The following TFPI variants were observed in gnomAD, a reference collection of about 807,000 sequenced individuals.
TFPI encodes anti-convertin.
TFPI carries 15 observed loss-of-function variants against 34.6 expected under a neutral mutation model. The ratio of observed to expected loss-of-function variants is 0.43; its 90% CI spans 0.29 to 0.67. The LOEUF (loss-of-function observed/expected upper bound fraction) is 0.67, where lower values mean the gene tolerates loss of function less well. Ranked by LOEUF, TFPI falls within the 30% of genes least tolerant of loss-of-function variation. TFPI has a pLI of 0.15. For missense variants in TFPI, 301 were observed against 364.0 expected (o/e 0.83, Z 1.41); for synonymous variants, 105 against 120.1 (o/e 0.87, Z 0.82).
Position 187,484,131 on chromosome 2 carries a change from G to C in TFPI, c.621C>G (p.Ser207Arg). The C allele has an allele frequency of 6.2e-7, 1 of 1,611,794 alleles. No individual in the cohort carries two copies. Among genetic ancestry groups the C allele is most frequent in the South Asian group, 1.1e-5 (1 of 90,976 alleles). ...AATCCACAAGATTCTTACCAAAAAG[G>C]CTGGGAACCTTGGTTGATTGCGGAG... ...SLTPQSTKVPSLFEFHGPSWC... is the reference protein window; with the variant it reads ...SLTPQSTKVPRLFEFHGPSWC... Residue 207 changes from serine to arginine, a missense_variant, in exon 6 of 8, where the codon AGC (serine) becomes AGG (arginine). By Grantham distance (110) the Ser-to-Arg change is moderately radical. Coordinates refer to ENST00000233156, the MANE Select transcript of TFPI (RefSeq NM_006287.6).
At chr2:187,506,718 A>G (rs572394010) in intron 1 of TFPI, among the ~76,000 whole-genome samples, 1 of 152,154 alleles carries the variant, frequency 6.6e-6, no homozygotes, top group East Asian at 1.9e-4. Flanking sequence ...TCATAATTAG[A>G]CCAGGGTTAT....
chr2:187,525,165 A>G (rs1687613517), intron 1 of TFPI, among the ~76,000 whole-genome samples: 1 of 152,054 alleles, frequency 6.6e-6, no homozygotes, highest in East Asian at 1.9e-4. Flanking sequence ...TAATCCCCCT[A>G]ATAGCCCTAA....
At chr2:187,508,936 CATAA>C (rs1468414379) in intron 1 of TFPI, among the ~76,000 whole-genome samples, 2 of 152,202 alleles carry the variant, frequency 1.3e-5, no homozygotes, top group East Asian at 1.9e-4. Flanking sequence ...GTGAGTTTGT[CATAA>C]ATAGTTATTA....
At chr2:187,509,582 G>A (rs1023041068) in intron 1 of TFPI, among the ~76,000 whole-genome samples, 1 of 152,162 alleles carries the variant, frequency 6.6e-6, no homozygotes, top group Non-Finnish European at 1.5e-5. Flanking sequence ...TAGTTTATTT[G>A]TGTAGAGGTG....
chr2:187,523,487 A>G (rs1346475547), intron 1 of TFPI, among the ~76,000 whole-genome samples: 1 of 151,962 alleles, frequency 6.6e-6, no homozygotes, highest in African/African-American at 2.4e-5. Flanking sequence ...TCCACCCCCA[A>G]ACTCCTTCAG....
intron 1 of TFPI, among the ~76,000 whole-genome samples, chr2:187,551,893 T>C (rs1489771826): frequency 6.6e-6 from 1 of 152,094 alleles, no homozygotes; most frequent in African/African-American, 2.4e-5. Flanking sequence ...TTGCTATAGA[T>C]GGTAAACAAA....
At chr2:187,497,218 T>C (rs1231081183) in intron 2 of TFPI, 140 bp from the exon 3 acceptor site, 8 of 804,034 alleles carry the variant, frequency 9.9e-6, no homozygotes. Flanking sequence ...GTTATTCAGT[T>C]ATCAAAATGG....
At chr2:187,485,103 AAAGT>A (rs897219123) in intron 4 of TFPI, 116 bp from the exon 5 acceptor site, 11 of 783,914 alleles carry the variant, frequency 1.4e-5, no homozygotes, top group Non-Finnish European at 1.6e-5. Context: ...TAAAAATTAA[AAAGT>A]AAAAATCTAA....
At position 187,503,685 on chromosome 2, in the gene TFPI, A is replaced by C; in HGVS notation, c.84T>G (p.Ala28=). Residue 28 remains alanine, a synonymous_variant, in exon 2 of 8, where the codon GCT becomes GCG. Coordinates refer to ENST00000233156, the MANE Select transcript of TFPI (RefSeq NM_006287.6). ...LLNLAPAPLN[A]DSEEDEEHTI... ...TGTGTTCTTCATCTTCCTCAGAATCAGCATTAAGAGGGGCAGGGGCAAGAT... is the reference window on the plus strand; with the variant it reads ...TGTGTTCTTCATCTTCCTCAGAATCCGCATTAAGAGGGGCAGGGGCAAGAT... 6.2e-7 allele frequency: 1 copy of C among 1,613,140 alleles called. No homozygotes were observed. Among genetic ancestry groups the C allele is most frequent in the Non-Finnish European group, 8.5e-7 (1 of 1,179,346 alleles).
intron 1 of TFPI, among the ~76,000 whole-genome samples, chr2:187,530,632 T>C (rs1687913703): frequency 6.6e-6 from 1 of 152,198 alleles, no homozygotes; most frequent in Admixed American, 6.5e-5. Flanking sequence ...TTACGTTCTC[T>C]TCCTTCCTAT....
intron 1 of TFPI, chr2:187,529,577 A>T (rs1450194344): frequency 6.6e-6 from 1 of 152,146 alleles, no homozygotes; most frequent in Non-Finnish European, 1.5e-5. Context: ...AACATTTATT[A>T]TCTCATTTAT....
At chr2:187,500,173 C>T (rs188397728) in intron 2 of TFPI, among the ~76,000 whole-genome samples, 8 of 152,260 alleles carry the variant, frequency 5.3e-5, no homozygotes, top group Admixed American at 4.6e-4. Flanking sequence ...CTGATAAACT[C>T]GCTGTAGTAG....
At chr2:187,529,629 T>C (rs1273487906) in intron 1 of TFPI, 1 of 152,160 alleles carries the variant, frequency 6.6e-6, no homozygotes, top group East Asian at 1.9e-4. Flanking sequence ...TGCAGTCACA[T>C]TGGGGGTTAG....
intron 2 of TFPI, among the ~76,000 whole-genome samples, 182 bp downstream of exon 2, chr2:187,503,466 C>CACACAA (rs1396271927): frequency 3.4e-5 from 5 of 146,336 alleles, no homozygotes; most frequent in Non-Finnish European, 7.6e-5. Context: ...TGCATGTACA[C>CACACAA]ACACACACAC....
intron 3 of TFPI, among the ~76,000 whole-genome samples, chr2:187,488,616 C>G (rs1408353383): frequency 6.6e-6 from 1 of 151,354 alleles, no homozygotes; most frequent in African/African-American, 2.4e-5. Flanking sequence ...ATAAAACTTT[C>G]TAACACACTT....
chr2:187,494,256 A>G (rs1685319187), intron 3 of TFPI, among the ~76,000 whole-genome samples: 1 of 150,682 alleles, frequency 6.6e-6, no homozygotes, highest in Non-Finnish European at 1.5e-5. Context: ...TGGGAGCTAC[A>G]AGATGATATT....
At chr2:187,468,258 GAC>G (rs61019402) in intron 6 of TFPI, among the ~76,000 whole-genome samples, 37,349 of 146,878 alleles carry the variant, frequency 0.25, 4,643 homozygotes, top group East Asian at 0.39. Context: ...ATTTCTTACA[GAC>G]ACACACACAC....
chr2:187,530,247 T>C (rs1207391007), intron 1 of TFPI, among the ~76,000 whole-genome samples: 2 of 152,186 alleles, frequency 1.3e-5, no homozygotes, highest in Non-Finnish European at 2.9e-5. Context: ...ATATTTGTTT[T>C]CTGATTCAGT....
At chr2:187,477,110 G>A (rs1232865945) in intron 6 of TFPI, among the ~76,000 whole-genome samples, 3 of 152,128 alleles carry the variant, frequency 2.0e-5, no homozygotes, top group Admixed American at 2.0e-4. Flanking sequence ...ATTATCTTGT[G>A]TTAAGACTAA....
Sources: allele counts gnomAD v4.1 joint callset (sites outside exome capture counted in the v4.1 genomes callset), GRCh38; gene constraint gnomAD v4.1.1; transcripts MANE v1.5; gene names NCBI Gene and HGNC (gene_info 2026-07-23, HGNC 2026-07-21).